Variants in CNTN4 observed in about 807,000 individuals in gnomAD.
CNTN4 encodes contactin-4.
CNTN4 carries 77 observed loss-of-function variants against 122.5 expected under a neutral mutation model. The observed-to-expected ratio is 0.63, with a 90% confidence interval of 0.52 to 0.76. CNTN4 has a LOEUF of 0.76. Ranked by LOEUF, CNTN4 falls within the 30% of genes least tolerant of loss-of-function variation. The pLI, the probability that CNTN4 is intolerant of heterozygous loss-of-function variation, is 0.00. For missense variants in CNTN4, 1,256 were observed against 1,259.1 expected (o/e 1.00, Z 0.04); for synonymous variants, 512 against 447.0 (o/e 1.15, Z -1.83).
At chr3:2,459,656 G>A (rs923430763) in intron 3 of CNTN4, among the ~76,000 whole-genome samples, 4 of 152,028 alleles carry the variant, frequency 2.6e-5, no homozygotes, top group Non-Finnish European at 1.5e-5. Flanking sequence ...AGAAGGAGGG[G>A]CATTCTAGAG....
intron 3 of CNTN4, among the ~76,000 whole-genome samples, chr3:2,536,456 A>G (rs2149267651): frequency 6.6e-6 from 1 of 152,280 alleles, no homozygotes; most frequent in South Asian, 2.1e-4. Context: ...CCTGAAAGTC[A>G]TTGCCCTATG....
At chr3:2,328,333 GA>G in intron 2 of CNTN4, among the ~76,000 whole-genome samples, 3 of 150,616 alleles carry the variant, frequency 2.0e-5, no homozygotes, top group African/African-American at 7.3e-5. Context: ...GGGAACCCGG[GA>G]GGCGGAGCTT....
chr3:2,244,720 C>G (rs1316317805), intron 2 of CNTN4, among the ~76,000 whole-genome samples: 1 of 151,916 alleles, frequency 6.6e-6, no homozygotes, highest in South Asian at 2.1e-4. Flanking sequence ...AGAATAAAGT[C>G]ATTAAATAAA....
intron 2 of CNTN4, among the ~76,000 whole-genome samples, chr3:2,125,748 G>A (rs1054502673): frequency 6.6e-6 from 1 of 151,488 alleles, no homozygotes; most frequent in Non-Finnish European, 1.5e-5. Flanking sequence ...TAGTAGAGAC[G>A]GGTTTTACCG....
chr3:2,674,114 G>C (rs1429334721), intron 4 of CNTN4, among the ~76,000 whole-genome samples: 1 of 152,136 alleles, frequency 6.6e-6, no homozygotes, highest in African/African-American at 2.4e-5. Flanking sequence ...AATCATTATT[G>C]TTTTAACCGC....
intron 3 of CNTN4, among the ~76,000 whole-genome samples, chr3:2,489,642 G>C (rs951945309): frequency 6.6e-6 from 1 of 152,158 alleles, no homozygotes; most frequent in Non-Finnish European, 1.5e-5. Flanking sequence ...AATAATGCTA[G>C]TCATACCAGT....
intron 13 of CNTN4, among the ~76,000 whole-genome samples, chr3:2,977,866 T>C (rs1325811861): frequency 6.6e-6 from 1 of 152,134 alleles, no homozygotes; most frequent in Non-Finnish European, 1.5e-5. Flanking sequence ...ATCCAATGAC[T>C]GATGTCCTTA....
At chr3:3,025,103 C>T (rs1042149792) in intron 14 of CNTN4, among the ~76,000 whole-genome samples, 6 of 152,156 alleles carry the variant, frequency 3.9e-5, no homozygotes, top group African/African-American at 1.4e-4. Flanking sequence ...CACTAGTGTA[C>T]TCTCTGACAC....
chr3:2,598,610 G>A (rs2080882817), intron 4 of CNTN4, among the ~76,000 whole-genome samples: 1 of 152,112 alleles, frequency 6.6e-6, no homozygotes, highest in South Asian at 2.1e-4. Flanking sequence ...TTGATTTTAT[G>A]TAGACCACTT....
intron 6 of CNTN4, among the ~76,000 whole-genome samples, chr3:2,768,216 G>A (rs925816316): frequency 3.3e-5 from 5 of 152,160 alleles, no homozygotes; most frequent in Non-Finnish European, 7.3e-5. Flanking sequence ...GGCGAATCCG[G>A]TAATATAAAT....
intron 2 of CNTN4, among the ~76,000 whole-genome samples, chr3:2,170,489 AAC>A (rs1481410045): frequency 4.6e-5 from 7 of 152,348 alleles, no homozygotes; most frequent in East Asian, 3.9e-4. Context: ...TTGAAAAGTA[AAC>A]ACACTCTCCT....
intron 6 of CNTN4, among the ~76,000 whole-genome samples, chr3:2,752,236 T>C (rs4685551): frequency 0.6 from 90,762 of 152,180 alleles, 29,651 homozygotes; most frequent in Non-Finnish European, 0.73. Flanking sequence ...CTGTATGCAA[T>C]GTGTAAATGA....
At chr3:2,523,041 T>G (rs2077275528) in intron 3 of CNTN4, among the ~76,000 whole-genome samples, 1 of 152,208 alleles carries the variant, frequency 6.6e-6, no homozygotes, top group South Asian at 2.1e-4. Flanking sequence ...CTGAGTCTTG[T>G]AGATAGTTAT....
intron 3 of CNTN4, among the ~76,000 whole-genome samples, chr3:2,403,846 G>C (rs2046940272): frequency 6.6e-6 from 1 of 152,106 alleles, no homozygotes; most frequent in Non-Finnish European, 1.5e-5. Context: ...GATTTTAAGA[G>C]TTTTTAATTT....
At chr3:2,228,378 A>G (rs554207390) in intron 2 of CNTN4, among the ~76,000 whole-genome samples, 1 of 152,266 alleles carries the variant, frequency 6.6e-6, no homozygotes, top group Admixed American at 6.5e-5. Flanking sequence ...CTTTATTGGG[A>G]CACAGTCTCA....
At chr3:3,049,391 A>C (rs1701027962) in intron 23 of CNTN4, among the ~76,000 whole-genome samples, 1 of 152,118 alleles carries the variant, frequency 6.6e-6, no homozygotes, top group African/African-American at 2.4e-5. Context: ...CCTCATCTTA[A>C]CTGTATAATA....
At chr3:2,433,996 G>A (rs1004074533) in intron 3 of CNTN4, among the ~76,000 whole-genome samples, 1 of 152,122 alleles carries the variant, frequency 6.6e-6, no homozygotes, top group Non-Finnish European at 1.5e-5. Context: ...ACCAGAGGCT[G>A]GGGGAGGGAT....
chr3:2,860,680 T>C (rs556293075), intron 7 of CNTN4, among the ~76,000 whole-genome samples: 5 of 152,356 alleles, frequency 3.3e-5, no homozygotes, highest in Admixed American at 3.3e-4. Flanking sequence ...TTCCCAAGCA[T>C]TGTTCACTGG....
At chr3:2,225,280 C>T (rs1006064125) in intron 2 of CNTN4, among the ~76,000 whole-genome samples, 1 of 151,436 alleles carries the variant, frequency 6.6e-6, no homozygotes, top group Non-Finnish European at 1.5e-5. Flanking sequence ...TTTGGGAGGC[C>T]GAGGCGGGTG....
Sources: allele counts gnomAD v4.1 joint callset (sites outside exome capture counted in the v4.1 genomes callset), GRCh38; gene constraint gnomAD v4.1.1; transcripts MANE v1.5; gene names NCBI Gene and HGNC (gene_info 2026-07-23, HGNC 2026-07-21).